Variants in UBR3 observed in about 807,000 individuals in gnomAD.
UBR3 encodes the protein ubiquitin protein ligase E3 component n-recognin 3.
In UBR3, 85 loss-of-function variants were observed where a neutral mutation model predicts 243.2. That is an observed-to-expected ratio of 0.35 (90% CI 0.29 to 0.42). The LOEUF is 0.42. UBR3 is among the 10% of genes least tolerant of loss of function. UBR3 has a pLI of 1.00. For missense variants in UBR3, 1,686 were observed against 2,300.8 expected (o/e 0.73, Z 5.47); for synonymous variants, 748 against 799.8 (o/e 0.94, Z 1.09).
chr2:169,859,708 A>T (rs1286693315), intron 1 of UBR3, among the ~76,000 whole-genome samples: 2 of 150,450 alleles, frequency 1.3e-5, no homozygotes, highest in Admixed American at 1.3e-4. Context: ...TTATTTATTT[A>T]TTTATTTATT....
At chr2:169,852,437 A>G (rs1244670008) in intron 1 of UBR3, among the ~76,000 whole-genome samples, 1 of 152,200 alleles carries the variant, frequency 6.6e-6, no homozygotes, top group African/African-American at 2.4e-5. Context: ...GGAACATACC[A>G]CACTAATTTA....
chr2:170,049,966 G>C (rs2091178796), intron 32 of UBR3, among the ~76,000 whole-genome samples: 1 of 152,122 alleles, frequency 6.6e-6, no homozygotes. Flanking sequence ...ACTTTCATTT[G>C]AATCTTTAAC....
At chr2:170,055,347 G>C in intron 32 of UBR3, 113 bp from the exon 33 acceptor site, 2 of 1,242,936 alleles carry the variant, frequency 1.6e-6, no homozygotes, top group Non-Finnish European at 1.1e-6. Flanking sequence ...AAACTATTAA[G>C]TGTTGAAAAC....
intron 26 of UBR3, among the ~76,000 whole-genome samples, chr2:169,998,297 C>A (rs2089570651): frequency 6.6e-6 from 1 of 152,104 alleles, no homozygotes; most frequent in Non-Finnish European, 1.5e-5. Flanking sequence ...GTTAGGGTAT[C>A]TCTTTTTTGC....
intron 1 of UBR3, among the ~76,000 whole-genome samples, chr2:169,855,996 G>T (rs1357199688): frequency 1.3e-5 from 2 of 151,696 alleles, no homozygotes; most frequent in Admixed American, 6.6e-5. Context: ...CCTCCCAGAT[G>T]GGGGGGCTGC....
chr2:169,860,226 C>T (rs1362612472), intron 1 of UBR3, among the ~76,000 whole-genome samples: 1 of 152,060 alleles, frequency 6.6e-6, no homozygotes, highest in South Asian at 2.1e-4. Context: ...TTTGTTTTTG[C>T]ATGCCTAGAA....
chr2:169,906,431 G>A (rs1043677842), intron 10 of UBR3, among the ~76,000 whole-genome samples: 3 of 42,546 alleles, frequency 7.1e-5, no homozygotes, highest in Non-Finnish European at 1.4e-4. Flanking sequence ...TTTGTTATCA[G>A]TTGCCTAATG....
chr2:169,874,073 T>A (rs915716591), intron 2 of UBR3, among the ~76,000 whole-genome samples: 3 of 152,184 alleles, frequency 2.0e-5, no homozygotes, highest in Non-Finnish European at 4.4e-5. Context: ...GCATTTTTTA[T>A]CTAAAGATGA....
At chr2:170,078,516 A>G (rs953173493) in intron 36 of UBR3, among the ~76,000 whole-genome samples, 1 of 152,212 alleles carries the variant, frequency 6.6e-6, no homozygotes, top group African/African-American at 2.4e-5. Context: ...TGCTGTTTAG[A>G]GCATACACAT....
chr2:170,011,759 T>C (rs2090090385), intron 29 of UBR3, among the ~76,000 whole-genome samples: 1 of 152,026 alleles, frequency 6.6e-6, no homozygotes, highest in Admixed American at 6.6e-5. Context: ...TTTAAAATGA[T>C]CTAAAAATTA....
chr2:170,007,721 G>A (rs760037797), intron 28 of UBR3, among the ~76,000 whole-genome samples: 8 of 151,922 alleles, frequency 5.3e-5, no homozygotes, highest in South Asian at 2.1e-4. Flanking sequence ...AAAATTGGCC[G>A]GGCACAGTGG....
At chr2:170,077,695 C>T in intron 36 of UBR3, 1 of 330,666 alleles carries the variant, frequency 3.0e-6, no homozygotes, top group Non-Finnish European at 5.5e-6. Context: ...AAGTGATTTT[C>T]CTGCCTCAGC....
intron 5 of UBR3, among the ~76,000 whole-genome samples, chr2:169,889,147 T>C (rs1025605071): frequency 1.3e-5 from 2 of 152,172 alleles, no homozygotes; most frequent in African/African-American, 4.8e-5. Flanking sequence ...TTCTTAGCTG[T>C]ATTTGATATC....
intron 30 of UBR3, among the ~76,000 whole-genome samples, chr2:170,024,465 T>C (rs1376422892): frequency 6.6e-6 from 1 of 151,936 alleles, no homozygotes; most frequent in African/African-American, 2.4e-5. Context: ...TTTCAACATA[T>C]GGTAACTTTG....
chr2:169,899,652 T>TC (rs972397651), intron 8 of UBR3, among the ~76,000 whole-genome samples: 2 of 151,966 alleles, frequency 1.3e-5, no homozygotes, highest in Non-Finnish European at 2.9e-5. Flanking sequence ...ATGCTGTTCC[T>TC]CCCCCCGCCC....
chr2:169,894,463 T>G (rs79741992), intron 6 of UBR3, among the ~76,000 whole-genome samples: 6,627 of 152,030 alleles, frequency 0.044, 165 homozygotes, highest in Middle Eastern at 0.068. Flanking sequence ...CTTTCTGTAG[T>G]TAAAATCATA....
intron 32 of UBR3, among the ~76,000 whole-genome samples, chr2:170,054,694 T>G (rs562064599): frequency 1.3e-5 from 2 of 152,168 alleles, no homozygotes; most frequent in Non-Finnish European, 2.9e-5. Context: ...ACATCAAGAT[T>G]TTTTTTAACT....
chr2:169,836,067 A>ATATAT (rs1558999159), intron 1 of UBR3, among the ~76,000 whole-genome samples: 8 of 32,666 alleles, frequency 2.4e-4, no homozygotes, highest in Non-Finnish European at 3.1e-4. Flanking sequence ...ATATATATAT[A>ATATAT]TTTTTTTTTT....
In UBR3 at chr2:169,932,903, G is replaced by C; in HGVS notation, c.2567-9G>C. 6.5e-7 allele frequency: 1 copy of C among 1,541,880 alleles called. No homozygotes were observed. Among genetic ancestry groups the C allele is most frequent in the Non-Finnish European group, 8.7e-7 (1 of 1,143,278 alleles). ...GAAGTCAATGTTTCTACTTTCTTTT[G>C]AATAATAGCTGAAGTCTGGGATCAA... On this transcript the variant is annotated splice_polypyrimidine_tract_variant and intron_variant, in intron 18 of 38. Coordinates refer to ENST00000272793, the MANE Select transcript of UBR3 (RefSeq NM_172070.4).
Sources: gnomAD v4.1 joint callset for allele counts (sites outside exome capture counted in the v4.1 genomes callset) on GRCh38, gnomAD v4.1.1 for gene constraint, MANE v1.5 for transcripts, NCBI Gene and HGNC (gene_info 2026-07-23, HGNC 2026-07-21) for gene names.